PRAMEF19: variants seen among roughly 807,000 people sequenced by gnomAD.
PRAMEF19 encodes PRAME family member 19.
In PRAMEF19, 21 loss-of-function variants were observed where a neutral mutation model predicts 33.1. The ratio of observed to expected loss-of-function variants is 0.63; its 90% CI spans 0.45 to 0.91. PRAMEF19 has a LOEUF of 0.91. Ranked by LOEUF, PRAMEF19 falls within the 40% of genes least tolerant of loss-of-function variation. The probability of loss-of-function intolerance (pLI) is 0.00; values close to 1 mark genes in which losing one functional copy is unlikely to be tolerated. For missense variants in PRAMEF19, 481 were observed against 585.2 expected, an observed-to-expected ratio of 0.82 and a Z score of 1.84; for synonymous variants, 179 against 229.3, an observed-to-expected ratio of 0.78 and a Z score of 1.98.
chr1:13,370,717 C>T, exon 2 of PRAMEF19: 13 of 1,613,944 alleles, frequency 8.1e-6, no homozygotes, highest in Non-Finnish European at 1.1e-5. Flanking sequence ...GGAGGTACTC[C>T]AGCCTGAGGA....
At chr1:13,370,685 A>G in exon 2 of PRAMEF19, 1 of 1,613,944 alleles carries the variant, frequency 6.2e-7, no homozygotes, top group South Asian at 1.1e-5. Context: ...GAAGAAGCGG[A>G]TCCTTCTCAT....
chr1:13,370,987 A>G, exon 2 of PRAMEF19: 2 of 1,612,080 alleles, frequency 1.2e-6, no homozygotes, highest in Non-Finnish European at 1.7e-6. Context: ...GGTGTACTGA[A>G]CGTCTTCTGT....
At chr1:13,369,760 A>G (rs1468692174) in intron 2 of PRAMEF19, 120 bp from the exon 3 acceptor site, 10 of 1,367,998 alleles carry the variant, frequency 7.3e-6, no homozygotes, top group African/African-American at 4.3e-5. Context: ...TCATCTAATC[A>G]TGGTCCTCCC....
chr1:13,370,093 G>A (rs1299129614), intron 2 of PRAMEF19, among the ~76,000 whole-genome samples: 2 of 152,280 alleles, frequency 1.3e-5, no homozygotes, highest in South Asian at 4.1e-4. Context: ...CCAGAAGCAC[G>A]CATTTCCCAT....
chr1:13,369,602 TA>T lies in PRAMEF19; in HGVS notation c.904del (p.Tyr302MetfsTer4), dbSNP rs1171136498. The T allele has an allele frequency of 6.2e-7, 1 of 1,613,796 alleles. No homozygotes were observed. Among genetic ancestry groups the T allele is most frequent in the Non-Finnish European group, 8.5e-7 (1 of 1,179,870 alleles). ...CAAGTCCTCTTCATCTAGGGAGCCA[TA>T]AGTTAATGCCAATGTCTCCAACGGG... On this transcript the variant is annotated frameshift_variant, in exon 3 of 3. Coordinates refer to ENST00000376101, the Ensembl canonical transcript of PRAMEF19. LOFTEE classifies it high-confidence loss of function.
chr1:13,369,438 C>T (rs1333422036), exon 3 of PRAMEF19: 1 of 1,613,674 alleles, frequency 6.2e-7, no homozygotes, highest in Non-Finnish European at 8.5e-7. Flanking sequence ...CCACAGTCCA[C>T]TAAGAAGAGG....
chr1:13,370,607 C>T (rs1640657854), intron 2 of PRAMEF19, 42 bp downstream of exon 2: 2 of 1,612,372 alleles, frequency 1.2e-6, no homozygotes, highest in Non-Finnish European at 1.7e-6. Flanking sequence ...CAAAAAAAGG[C>T]TGTGCTGTGT....
At chr1:13,369,488 A>G in exon 3 of PRAMEF19, 1 of 1,613,958 alleles carries the variant, frequency 6.2e-7, no homozygotes. Context: ...CAGAGCTCGG[A>G]GGGGCTCAAG....
chr1:13,369,084 G>A (rs1484854132), exon 3 of PRAMEF19: 393 of 1,611,810 alleles, frequency 2.4e-4, no homozygotes, highest in Middle Eastern at 1.4e-3. Flanking sequence ...GGCCTTCCCC[G>A]CAAGCAAAAA....
rs1640658285 is a variant in PRAMEF19, at chr1:13,370,642, T to C, written c.866+7A>G. On this transcript the variant is annotated splice_region_variant and intron_variant, in intron 2 of 2. Transcript: ENST00000376101. The stretch of plus-strand genomic sequence containing the variant: ...TCCCCCAGAGAAAGCTCACCATCTT[T>C]CCTCACCTGATCAGCTGGTCCAGGT... 6.2e-7 allele frequency: 1 copy of C among 1,613,674 alleles called. No individual in the cohort carries two copies. The highest frequency in any genetic ancestry group is 8.5e-7 in the Non-Finnish European group (1 of 1,179,782).
chr1:13,368,442 T>G (rs1640626492), downstream of PRAMEF19, among the ~76,000 whole-genome samples: 1 of 152,140 alleles, frequency 6.6e-6, no homozygotes, highest in Non-Finnish European at 1.5e-5. Flanking sequence ...AAAATGAAGT[T>G]TATTTTGATT....
At chr1:13,369,747 T>C (rs1466063352) in intron 2 of PRAMEF19, 107 bp from the exon 3 acceptor site, 1 of 1,466,198 alleles carries the variant, frequency 6.8e-7, no homozygotes, top group African/African-American at 1.4e-5. Flanking sequence ...AAGTTTGTTC[T>C]CATCATCTAA....
upstream of PRAMEF19, chr1:13,371,941 T>A: frequency 5.0e-6 from 8 of 1,611,758 alleles, no homozygotes; most frequent in Non-Finnish European, 6.8e-6. Context: ...AAAGACAAAC[T>A]TATCAGGCCA....
exon 2 of PRAMEF19, chr1:13,370,735 G>A: frequency 6.2e-7 from 1 of 1,613,966 alleles, no homozygotes; most frequent in Non-Finnish European, 8.5e-7. Context: ...GGAACACAGA[G>A]CTGAATTCAG....
intron 1 of PRAMEF19, 99 bp downstream of exon 1, chr1:13,371,515 C>A: frequency 6.4e-7 from 1 of 1,571,950 alleles, no homozygotes; most frequent in Non-Finnish European, 8.7e-7. Context: ...TTCTCACTGG[C>A]ACCATCAGAA....
chr1:13,371,550 A>T, intron 1 of PRAMEF19, 64 bp downstream of exon 1: 1 of 1,609,520 alleles, frequency 6.2e-7, no homozygotes. Flanking sequence ...CCAGGTTCCC[A>T]ATTTGTCTGA....
At chr1:13,368,802 T>G (rs2100378907), downstream of PRAMEF19, among the ~76,000 whole-genome samples, 1 of 152,040 alleles carries the variant, frequency 6.6e-6, no homozygotes, top group South Asian at 2.1e-4. Flanking sequence ...GAAACAGAGG[T>G]TTCTCTGCTC....
At chr1:13,370,983 C>T in exon 2 of PRAMEF19, 1 of 1,612,224 alleles carries the variant, frequency 6.2e-7, no homozygotes, top group Non-Finnish European at 8.5e-7. Flanking sequence ...CACAGGTGTA[C>T]TGAACGTCTT....
At chr1:13,369,476 A>T in exon 3 of PRAMEF19, 2 of 1,613,998 alleles carry the variant, frequency 1.2e-6, no homozygotes, top group East Asian at 4.5e-5. Context: ...AACTTTCTCT[A>T]GCAGAGCTCG....
Sources: allele counts gnomAD v4.1 joint callset (sites outside exome capture counted in the v4.1 genomes callset), GRCh38; gene constraint gnomAD v4.1.1; transcripts MANE v1.5; gene names NCBI Gene and HGNC (gene_info 2026-07-23, HGNC 2026-07-21).